NAA35: variants seen among roughly 807,000 people sequenced by gnomAD.
The protein encoded by NAA35 is MAK10 homolog, amino-acid N-acetyltransferase subunit.
In NAA35, 18 loss-of-function variants were observed where a neutral mutation model predicts 101.7. That is an observed-to-expected ratio of 0.18 (90% CI 0.12 to 0.26). The LOEUF is 0.26. Among genes scored for constraint, NAA35 ranks in the 10% least tolerant of loss-of-function variants. The probability of loss-of-function intolerance (pLI) is 1.00; values close to 1 mark genes in which losing one functional copy is unlikely to be tolerated. For missense variants in NAA35, 601 were observed against 886.8 expected (o/e 0.68, Z 4.09); for synonymous variants, 267 against 273.1 (o/e 0.98, Z 0.22).
rs1045478245 is a variant in NAA35 at position 86,024,184 on chromosome 9, G to A, written c.*2224G>A. Among the ~76,000 whole-genome samples, 1 of 152,190 alleles carries A rather than the reference G, an allele frequency of 6.6e-6. No individual in the cohort carries two copies. Among genetic ancestry groups the A allele is most frequent in the Non-Finnish European group, 1.5e-5 (1 of 68,046 alleles). On this transcript the variant is annotated 3_prime_UTR_variant, in exon 23 of 23. Transcript: ENST00000361671. ...AAATGCAGTGAAGAATATGCTGTAT[G>A]CTGGGTAGGAGAACTGCCCCACGTG... is the stretch of plus-strand genomic sequence containing the variant.
chr9:85,984,024 CA>C (rs146695687), intron 11 of NAA35, among the ~76,000 whole-genome samples: 7,373 of 102,984 alleles, frequency 0.072, 437 homozygotes, highest in East Asian at 0.39. Flanking sequence ...AAAATAGAAG[CA>C]AAAAAAAAAA....
At chr9:86,016,477 T>G in intron 17 of NAA35, 62 bp from the exon 18 acceptor site, 1 of 1,407,418 alleles carries the variant, frequency 7.1e-7, no homozygotes, top group Non-Finnish European at 9.9e-7. Context: ...CGTTAATATA[T>G]GTGTTGATAA....
intron 17 of NAA35, 71 bp from the exon 18 acceptor site, chr9:86,016,468 G>T: frequency 1.6e-6 from 2 of 1,253,276 alleles, no homozygotes; most frequent in Non-Finnish European, 2.2e-6. Flanking sequence ...AATATCTATC[G>T]TTAATATATG....
chr9:85,974,686 A>G (rs1830137771), intron 6 of NAA35, among the ~76,000 whole-genome samples: 1 of 152,164 alleles, frequency 6.6e-6, no homozygotes, highest in East Asian at 1.9e-4. Flanking sequence ...ATATTTTCTT[A>G]AGCATTACCC....
In NAA35 at chr9:86,025,227, A is replaced by AT. The variant is rs1044260554; in HGVS notation, c.*3268dup. Among the ~76,000 whole-genome samples, 4 of 152,302 alleles carry AT rather than the reference A, an allele frequency of 2.6e-5. No individual in the cohort carries two copies. Among genetic ancestry groups the AT allele is most frequent in the African/African-American group, 9.6e-5 (4 of 41,568 alleles). Reference sequence around the variant, plus strand: ...CAGGAAAATAAGCAGAATGAGGGCCATATGCCGCTCAGAGGCCATTAAGAG... The same window carrying AT: ...CAGGAAAATAAGCAGAATGAGGGCCATTATGCCGCTCAGAGGCCATTAAGAG... On this transcript the variant is annotated 3_prime_UTR_variant, in exon 23 of 23. Transcript: ENST00000361671.
intron 2 of NAA35, among the ~76,000 whole-genome samples, chr9:85,948,306 T>A (rs1304633247): frequency 1.3e-5 from 2 of 152,206 alleles, no homozygotes; most frequent in Admixed American, 6.5e-5. Context: ...TACTTATCAT[T>A]AATTCTACTT....
intron 6 of NAA35, among the ~76,000 whole-genome samples, chr9:85,967,401 T>G (rs1315555071): frequency 2.0e-5 from 3 of 152,064 alleles, no homozygotes; most frequent in Admixed American, 1.3e-4. Flanking sequence ...GCCAAAAGAT[T>G]CTGTTTTCTT....
intron 11 of NAA35, among the ~76,000 whole-genome samples, chr9:85,991,255 G>A (rs1830898208): frequency 6.6e-6 from 1 of 152,130 alleles, no homozygotes. Context: ...GTAGGCTCAT[G>A]TTAATGGAGC....
At chr9:85,945,499 T>G (rs1319274258) in intron 2 of NAA35, among the ~76,000 whole-genome samples, 2 of 152,066 alleles carry the variant, frequency 1.3e-5, no homozygotes, top group Non-Finnish European at 2.9e-5. Flanking sequence ...TCCCCTTTGG[T>G]AAGAATGTAA....
rs977392900 is a variant in NAA35 at position 86,023,378 on chromosome 9, A to G, written c.*1418A>G. On this transcript the variant is annotated 3_prime_UTR_variant, in exon 23 of 23. Transcript: ENST00000361671. ...GGCTGGTAATTACTGAATGCTTTAA[A>G]CAAAAAAAGGCAAAGGAATGGTAGG... Among the ~76,000 whole-genome samples, 5 of 152,218 alleles carry G rather than the reference A, an allele frequency of 3.3e-5. No homozygotes were observed. The highest frequency in any genetic ancestry group is 1.2e-4 in the African/African-American group (5 of 41,468).
At chr9:85,955,394 G>A (rs188259193) in intron 2 of NAA35, among the ~76,000 whole-genome samples, 19 of 105,758 alleles carry the variant, frequency 1.8e-4, no homozygotes, top group African/African-American at 6.8e-4. Context: ...ACAGAGTCTC[G>A]CTCTGTTGCC....
chr9:86,018,536 A>T, intron 20 of NAA35, 141 bp downstream of exon 20: 1 of 1,321,070 alleles, frequency 7.6e-7, no homozygotes, highest in Non-Finnish European at 1.0e-6. Context: ...GAGGGTTGAG[A>T]ATTATATATT....
chr9:86,024,619 A>G lies in NAA35; in HGVS notation c.*2659A>G, dbSNP rs1015871662. On this transcript the variant is annotated 3_prime_UTR_variant, in exon 23 of 23. Transcript: ENST00000361671. Reference sequence around the variant, plus strand: ...TGTTTTCAGAGGTACAGCTAATGGGACATGGTGAATGAGAGTTTCTGCCAA... The same window carrying G: ...TGTTTTCAGAGGTACAGCTAATGGGGCATGGTGAATGAGAGTTTCTGCCAA... 1.4e-4 allele frequency among the ~76,000 whole-genome samples: 21 copies of G among 152,186 alleles called. 1 individual carries two copies. The highest frequency in any genetic ancestry group is 1.4e-3 in the Admixed American group (21 of 15,278).
intron 11 of NAA35, among the ~76,000 whole-genome samples, chr9:85,983,672 G>A (rs981219920): frequency 6.6e-6 from 1 of 152,130 alleles, no homozygotes; most frequent in Non-Finnish European, 1.5e-5. Context: ...CACGGCGGGT[G>A]GGGGCCAAGG....
chr9:86,007,463 A>C lies in NAA35; in HGVS notation c.1222A>C (p.Lys408Gln). ...SFVSPPVLSP[K>Q]CYLYNNHQAK... is the part of the protein sequence containing the mutation. Reference sequence around the variant, plus strand: ...TGTCAGTCCTCCGGTGCTTTCCCCCAAGTAAGTATTGTAAGACATTTTAGA... The same window carrying C: ...TGTCAGTCCTCCGGTGCTTTCCCCCCAGTAAGTATTGTAAGACATTTTAGA... The change falls in exon 14 of 23, where the codon AAG (lysine) becomes CAG (glutamine). Residue 408 changes from lysine (K) to glutamine (Q), a missense_variant and splice_region_variant. Lys to Gln is a moderately conservative substitution (Grantham distance 53). Coordinates refer to ENST00000361671, the MANE Select transcript of NAA35 (RefSeq NM_024635.4). The C allele has an allele frequency of 6.2e-7, 1 of 1,611,624 alleles. No homozygotes were observed. Among genetic ancestry groups the C allele is most frequent in the Non-Finnish European group, 8.5e-7 (1 of 1,177,946 alleles).
At chr9:85,956,315 T>C (rs775348825) in intron 2 of NAA35, 45 bp from the exon 3 acceptor site, 1 of 1,178,938 alleles carries the variant, frequency 8.5e-7, no homozygotes, top group East Asian at 2.6e-5. Flanking sequence ...GAATTAAAAG[T>C]TAAATATAAA....
chr9:85,941,653 C>G (rs1439005755), intron 1 of NAA35: 1 of 986,300 alleles, frequency 1.0e-6, no homozygotes, highest in African/African-American at 1.7e-5. Flanking sequence ...CGGTGCCTGC[C>G]GGCTCCTCAT....
intron 18 of NAA35, 151 bp downstream of exon 18, chr9:86,016,826 A>T: frequency 1.4e-6 from 1 of 709,346 alleles, no homozygotes; most frequent in Non-Finnish European, 2.2e-6. Flanking sequence ...CCCAGTATCA[A>T]TGACATAAGC....
In NAA35 at chr9:86,000,139, A is replaced by G. The variant is rs181278212; in HGVS notation, c.1057-3446A>G. Among the ~76,000 whole-genome samples, 22 of 152,280 alleles carry G rather than the reference A, an allele frequency of 1.4e-4. No homozygotes were observed. In the East Asian group the frequency reaches 3.1e-3, roughly 21 times the overall value. ...AAATTTTATCAGAAGGCTTTTCTGC[A>G]TCTATTGAGATAATCATGTGATTTT... On this transcript the variant is annotated intron_variant, in intron 12 of 22. Transcript: ENST00000361671.
Sources: gnomAD v4.1 joint callset for allele counts (sites outside exome capture counted in the v4.1 genomes callset) on GRCh38, gnomAD v4.1.1 for gene constraint, MANE v1.5 for transcripts, NCBI Gene and HGNC (gene_info 2026-07-23, HGNC 2026-07-21) for gene names.